Variants in HCN2 observed in about 807,000 individuals in gnomAD.
HCN2 encodes hyperpolarization activated cyclic nucleotide gated potassium and sodium channel 2.
Under a neutral mutation model 52.3 loss-of-function variants are expected in HCN2, and 20 were observed. The ratio of observed to expected loss-of-function variants is 0.38; its 90% confidence interval spans 0.27 to 0.56. The LOEUF (loss-of-function observed/expected upper bound fraction) is 0.56. Among genes scored for constraint, HCN2 ranks in the 20% least tolerant of loss-of-function variants. HCN2 has a pLI of 0.71. For synonymous variants in HCN2, 694 were observed against 537.0 expected (o/e 1.29, Z -4.04); for missense variants, 981 against 1,207.7 (o/e 0.81, Z 2.78).
rs199620883 is a variant in HCN2, at chr19:609,931, G to A, written c.1438-328G>A. ...AAAAAATGGAATTTATCATTGAAAC[G>A]AATTCAACTTTGATTTAAATAGAAG... On this transcript the variant is annotated intron_variant, in intron 4 of 7. Transcript: ENST00000251287. Among the ~76,000 whole-genome samples, 8 of 152,190 alleles carry A rather than the reference G, an allele frequency of 5.3e-5. No individual in the cohort carries two copies. In the East Asian group the frequency reaches 7.7e-4, roughly 15 times the overall value.
Position 613,837 on chromosome 19 carries a change from G to T in HCN2, c.1826-15G>T, listed in dbSNP as rs771463154. ...CCGCCTCGTCCAGCAACCCCCCCCTGCGCGCCACGTGCAGAGATCTGCCTG... is the reference window on the plus strand; with the variant it reads ...CCGCCTCGTCCAGCAACCCCCCCCTTCGCGCCACGTGCAGAGATCTGCCTG... On this transcript the variant is annotated splice_polypyrimidine_tract_variant and intron_variant, in intron 6 of 7. Coordinates refer to ENST00000251287, the MANE Select transcript of HCN2 (RefSeq NM_001194.4). 3 of 1,536,642 alleles carry T rather than the reference G, an allele frequency of 2.0e-6. No homozygotes were observed. Among genetic ancestry groups the T allele is most frequent in the Non-Finnish European group, 8.7e-7 (1 of 1,147,602 alleles).
intron 4 of HCN2, among the ~76,000 whole-genome samples, chr19:608,626 G>C (rs1983505017): frequency 6.6e-6 from 1 of 151,638 alleles, no homozygotes; most frequent in African/African-American, 2.4e-5. Context: ...GCAGGAAGGG[G>C]TGAGTTGGGA....
intron 1 of HCN2, among the ~76,000 whole-genome samples, chr19:599,565 G>T (rs938277672): frequency 6.6e-6 from 1 of 151,716 alleles, no homozygotes; most frequent in African/African-American, 2.4e-5. Flanking sequence ...GGATCACGAG[G>T]TCAGGAGTTC....
At chr19:599,551 G>A (rs187981568) in intron 1 of HCN2, among the ~76,000 whole-genome samples, 2,104 of 152,052 alleles carry the variant, frequency 0.014, 24 homozygotes, top group Non-Finnish European at 0.023. Context: ...AGGCCAAGGC[G>A]GGCGGATCAC....
chr19:614,195 TGGCTGGGGCAGGGGCAGC>T (rs1983800222), intron 7 of HCN2, among the ~76,000 whole-genome samples, 179 bp downstream of exon 7: 1 of 151,918 alleles, frequency 6.6e-6, no homozygotes, highest in Admixed American at 6.6e-5. Context: ...AGCAGGGGCG[TGGCTGGGGCAGGGGCAGC>T]GGCTGGCCGC....
intron 1 of HCN2, among the ~76,000 whole-genome samples, chr19:598,281 G>A (rs1983098570): frequency 6.6e-6 from 1 of 152,016 alleles, no homozygotes; most frequent in African/African-American, 2.4e-5. Context: ...GCTTGTGAGG[G>A]GACCCCTCCC....
In HCN2 at chr19:592,273, C is replaced by G. The variant is rs549496979; in HGVS notation, c.632+1696C>G. On this transcript the variant is annotated intron_variant, in intron 1 of 7. Transcript: ENST00000251287. The surrounding 1 kb of genome is among the most constrained non-coding windows in gnomAD (Gnocchi z 4.8). The stretch of plus-strand genomic sequence containing the variant: ...TTCGACAGAGATGGGTGCACCGCAG[C>G]GTGGGGGCTGGCAGGTGGAGGCCCA... 6.6e-6 allele frequency among the ~76,000 whole-genome samples: 1 copy of G among 152,326 alleles called. No individual in the cohort carries two copies. The highest frequency in any genetic ancestry group is 6.5e-5 in the Admixed American group (1 of 15,310).
At chr19:599,515 C>T (rs996797685) in intron 1 of HCN2, among the ~76,000 whole-genome samples, 1 of 151,916 alleles carries the variant, frequency 6.6e-6, no homozygotes, top group African/African-American at 2.4e-5. Context: ...CGCGGTGGCT[C>T]ACGCCTGTAA....
At position 617,145 on chromosome 19, in the gene HCN2, C is replaced by T. The variant is rs1984008912; in HGVS notation, c.*671C>T. The T allele has an allele frequency of 2.6e-6, 2 of 783,540 alleles. No homozygotes were observed. The highest frequency in any genetic ancestry group is 4.1e-6 in the Non-Finnish European group (2 of 490,668). The allele number at this position is 783,540 out of a possible 1,614,324, so 48.5% of individuals were successfully genotyped here. A position where few individuals can be genotyped will look rare whatever the true frequency, so the allele number is the denominator to read the frequency against. On this transcript the variant is annotated 3_prime_UTR_variant, in exon 8 of 8. Coordinates refer to ENST00000251287, the MANE Select transcript of HCN2 (RefSeq NM_001194.4). Reference sequence around the variant, plus strand: ...CACCCCCATTCCGCGCAATAAACGACAGCATTGGCGCCAAGCCTGGCCGCG... The same window carrying T: ...CACCCCCATTCCGCGCAATAAACGATAGCATTGGCGCCAAGCCTGGCCGCG...
At chr19:595,954 C>T (rs1018272463) in intron 1 of HCN2, among the ~76,000 whole-genome samples, 8 of 152,318 alleles carry the variant, frequency 5.3e-5, no homozygotes, top group East Asian at 1.9e-4. Flanking sequence ...TGGCTGCCCT[C>T]GCCCGTTCCC....
At position 605,332 on chromosome 19, in the gene HCN2, T is replaced by C. The variant is rs74176355; in HGVS notation, c.1218+110T>C. The C allele has an allele frequency of 6.3e-5, 56 of 889,634 alleles. 1 individual carries two copies. The highest frequency in any genetic ancestry group is 3.5e-4 in the Middle Eastern group (1 of 2,862). 55.1% of individuals were successfully genotyped at this position (889,634 alleles called of 1,614,324 possible). On this transcript the variant is annotated intron_variant, in intron 3 of 7. Coordinates refer to ENST00000251287, the MANE Select transcript of HCN2 (RefSeq NM_001194.4). Reference sequence around the variant, plus strand: ...GGGTTGAACCCAAGCCTTTCAGAGGTGGGGACCCAGGCGCCCCCTTATGGA... The same window carrying C: ...GGGTTGAACCCAAGCCTTTCAGAGGCGGGGACCCAGGCGCCCCCTTATGGA...
chr19:595,059 A>G (rs1359185972), intron 1 of HCN2, among the ~76,000 whole-genome samples: 1 of 151,922 alleles, frequency 6.6e-6, no homozygotes, highest in Non-Finnish European at 1.5e-5. Context: ...AAAATTAGCC[A>G]GGCGTGGTGG....
rs377560524 is a variant in HCN2 at position 610,423 on chromosome 19, C to T, written c.1584+18C>T. ...TGCGGGAGGTGAGGCGGGCGCCGGG[C>T]GGGCGGGAGGCAGCCTCCGGTACAG... On this transcript the variant is annotated intron_variant, in intron 5 of 7. Transcript: ENST00000251287. 203 of 1,608,056 alleles carry T rather than the reference C, an allele frequency of 1.3e-4. No homozygotes were observed. Among genetic ancestry groups the T allele is most frequent in the Admixed American group, 4.0e-4 (24 of 59,842 alleles).
chr19:604,978 C>T lies in HCN2; in HGVS notation c.1057-83C>T, dbSNP rs1252309699. ...TGGGGGAGGGGGCCAGGAGCTCCCG[C>T]AGTGGGGGCGCACGGGGCTGGGGCT... On this transcript the variant is annotated intron_variant, in intron 2 of 7. Coordinates refer to ENST00000251287, the MANE Select transcript of HCN2 (RefSeq NM_001194.4). The T allele has an allele frequency of 2.7e-5, 37 of 1,347,468 alleles. No individual in the cohort carries two copies. The Admixed American group carries it at 8.7e-4, about 32-fold the overall frequency. 83.5% of individuals were successfully genotyped at this position (1,347,468 alleles called of 1,614,324 possible). A position where few individuals can be genotyped will look rare whatever the true frequency, so the allele number is the denominator to read the frequency against.
At chr19:604,627 G>C (rs1193615424) in intron 2 of HCN2, among the ~76,000 whole-genome samples, 24 of 141,368 alleles carry the variant, frequency 1.7e-4, no homozygotes, top group Non-Finnish European at 6.2e-5. Context: ...TGTGCTGGGC[G>C]GGGTCAGGCA....
chr19:612,427 T>TGTGTGTGTGTGTGTGTGTGAGA lies in HCN2; in HGVS notation c.1585-820_1585-819insTGTGTGTGTGTGTGTGTGAGAG. ...GTGTGTGTGTGTGTGTGTGTGTGTG[T>TGTGTGTGTGTGTGTGTGTGAGA]GAGAGAGAGATGGAGTCTCGCTCTG... is the stretch of plus-strand genomic sequence containing the variant. On this transcript the variant is annotated intron_variant, in intron 5 of 7. Transcript: ENST00000251287. Among the ~76,000 whole-genome samples, 164 of 142,340 alleles carry TGTGTGTGTGTGTGTGTGTGAGA rather than the reference T, an allele frequency of 1.2e-3. 1 individual carries two copies. The highest frequency in any genetic ancestry group is 1.5e-3 in the Non-Finnish European group (98 of 65,272). 93.4% of individuals were successfully genotyped at this position (142,340 alleles called of 152,430 possible).
Position 613,466 on chromosome 19 carries a change from G to A in HCN2, c.1803G>A (p.Leu601=), listed in dbSNP as rs760289404. 11 of 1,607,426 alleles carry A rather than the reference G, an allele frequency of 6.8e-6. No homozygotes were observed. The Admixed American group carries it at 1.5e-4, about 22-fold the overall frequency. The change falls in exon 6 of 8, where the codon CTG becomes CTA. Residue 601 remains leucine (L), a synonymous_variant. Transcript: ENST00000251287. ...CTAAGGGCAACAAGGAGATGAAGCT[G>A]TCCGATGGCTCCTACTTCGGGGGTG... ...VLTKGNKEMK[L]SDGSYFGEIC...
Position 592,107 on chromosome 19 carries a change from G to A in HCN2, c.632+1530G>A, listed in dbSNP as rs543467718. Among the ~76,000 whole-genome samples, 24 of 152,326 alleles carry A rather than the reference G, an allele frequency of 1.6e-4. No homozygotes were observed. The highest frequency in any genetic ancestry group is 5.2e-4 in the Admixed American group (8 of 15,304). On this transcript the variant is annotated intron_variant, in intron 1 of 7. Coordinates refer to ENST00000251287, the MANE Select transcript of HCN2 (RefSeq NM_001194.4). This position sits in a 1 kb window ranked among gnomAD's most constrained non-coding sequence, Gnocchi z 4.8. ...GGCCTGCGAAATGTGGACAGTGAGC[G>A]GGAAGGACTGGACTTCCAGGGCTGC...
chr19:616,508 C>CA lies in HCN2; in HGVS notation c.*34_*35insA. On this transcript the variant is annotated 3_prime_UTR_variant, in exon 8 of 8. Coordinates refer to ENST00000251287, the MANE Select transcript of HCN2 (RefSeq NM_001194.4). The stretch of plus-strand genomic sequence containing the variant: ...GACCGCCCCGCGGGCCCAGGCGGGC[C>CA]GGGGGCGGGGCCGTCATCCAGACCA... 8.5e-7 allele frequency: 1 copy of CA among 1,182,436 alleles called. No homozygotes were observed. Among genetic ancestry groups the CA allele is most frequent in the East Asian group, 4.2e-5 (1 of 23,894 alleles). The allele number at this position is 1,182,436 out of a possible 1,614,324, so 73.2% of individuals were successfully genotyped here.
Sources: gnomAD v4.1 joint callset for allele counts (sites outside exome capture counted in the v4.1 genomes callset) on GRCh38, gnomAD v4.1.1 for gene constraint, Gnocchi (gnomAD v3.1) non-coding constraint, MANE v1.5 for transcripts, NCBI Gene and HGNC (gene_info 2026-07-23, HGNC 2026-07-21) for gene names.